Variants in PIK3R5 observed in about 807,000 individuals in gnomAD.
PIK3R5 encodes the protein phosphoinositide 3-kinase regulatory subunit 5.
Under a neutral mutation model 94.9 loss-of-function variants are expected in PIK3R5, and 32 were observed. That is an observed-to-expected ratio of 0.34 (90% confidence interval 0.25 to 0.45). The LOEUF (loss-of-function observed/expected upper bound fraction) is 0.45. PIK3R5 is among the 20% of genes least tolerant of loss of function. The pLI is 1.00. For missense variants in PIK3R5, 853 were observed against 1,144.6 expected (o/e 0.75, Z 3.68); for synonymous variants, 443 against 479.4 (o/e 0.92, Z 0.99).
rs767104449 is a variant in PIK3R5, at chr17:8,911,506, G to C, written c.-12C>G. ...GCCCCTGGCTGCATCCTGGGTCATC[G>C]CCTGCATGGGGGACAGACGCCGGTC... is the stretch of plus-strand genomic sequence containing the variant. On this transcript the variant is annotated splice_region_variant and 5_prime_UTR_variant, in exon 2 of 19. Coordinates refer to ENST00000447110, the MANE Select transcript of PIK3R5 (RefSeq NM_001142633.3). This position sits in a 1 kb window ranked among gnomAD's most constrained non-coding sequence, Gnocchi z 5.3. 2.5e-6 allele frequency: 4 copies of C among 1,584,084 alleles called. No homozygotes were observed. In the East Asian group the frequency reaches 8.9e-5, roughly 35 times the overall value.
intron 1 of PIK3R5, among the ~76,000 whole-genome samples, chr17:8,942,963 TAC>T (rs112851950): frequency 0.046 from 6,807 of 149,134 alleles, 203 homozygotes; most frequent in Non-Finnish European, 0.064. Flanking sequence ...GATCACGTCA[TAC>T]ACACACACAC....
intron 5 of PIK3R5, among the ~76,000 whole-genome samples, chr17:8,894,289 G>C (rs1413827624): frequency 6.6e-6 from 1 of 152,192 alleles, no homozygotes; most frequent in Non-Finnish European, 1.5e-5. Context: ...GTGCCGCAGG[G>C]CTACTCCTCG....
intron 1 of PIK3R5, among the ~76,000 whole-genome samples, chr17:8,963,054 C>T (rs2091594256): frequency 6.6e-6 from 1 of 152,192 alleles, no homozygotes; most frequent in South Asian, 2.1e-4. Flanking sequence ...GTGACACGAT[C>T]ATAGCTCACT....
rs367544854 is a variant in PIK3R5 at position 8,957,030 on chromosome 17, C to G, written c.-14+8566G>C. Among the ~76,000 whole-genome samples, 131 of 152,252 alleles carry G rather than the reference C, an allele frequency of 8.6e-4. No homozygotes were observed. In the South Asian group the frequency reaches 0.027, roughly 31 times the overall value. ...GCTGTGAAGCAGGGCTGTGGGGTTT[C>G]TGAGCAAACTGCCCAGCTTTGGGAC... On this transcript the variant is annotated intron_variant, in intron 1 of 18. Coordinates refer to ENST00000447110, the MANE Select transcript of PIK3R5 (RefSeq NM_001142633.3).
In PIK3R5 at chr17:8,893,816, T is replaced by C; in HGVS notation, c.413-161A>G. Reference sequence around the variant, plus strand: ...TGTTCTGTGGACCCTCCAGGGTGCCTAGCAGTTTGCTTCTATGCGTCCTTT... The same window carrying C: ...TGTTCTGTGGACCCTCCAGGGTGCCCAGCAGTTTGCTTCTATGCGTCCTTT... On this transcript the variant is annotated intron_variant, in intron 5 of 18. Transcript: ENST00000447110. This position sits in a 1 kb window ranked among gnomAD's most constrained non-coding sequence, Gnocchi z 5.1. 5.1e-6 allele frequency: 3 copies of C among 590,990 alleles called. No homozygotes were observed. In the Admixed American group the frequency reaches 8.4e-5, roughly 17 times the overall value. 36.6% of individuals were successfully genotyped at this position (590,990 alleles called of 1,614,324 possible). A position where few individuals can be genotyped will look rare whatever the true frequency, so the allele number is the denominator to read the frequency against.
intron 3 of PIK3R5, among the ~76,000 whole-genome samples, chr17:8,907,421 T>C (rs1021565282): frequency 2.6e-5 from 4 of 152,128 alleles, no homozygotes; most frequent in Non-Finnish European, 2.9e-5. Flanking sequence ...CATTCCTTTT[T>C]CCATAATTTG....
chr17:8,921,516 G>C (rs188107715), intron 1 of PIK3R5, among the ~76,000 whole-genome samples: 19 of 152,186 alleles, frequency 1.2e-4, no homozygotes, highest in Admixed American at 1.2e-3. Flanking sequence ...CTGAAAAATG[G>C]TCATACCAAA....
chr17:8,956,021 G>A (rs145673313), intron 1 of PIK3R5, among the ~76,000 whole-genome samples: 9 of 152,056 alleles, frequency 5.9e-5, no homozygotes, highest in South Asian at 2.1e-4. Flanking sequence ...TTAGCTGGGC[G>A]TGGTGGCATA....
In PIK3R5 at chr17:8,884,191, C is replaced by T. The variant is rs577644407; in HGVS notation, c.2205+516G>A. Among the ~76,000 whole-genome samples the T allele has an allele frequency of 6.6e-6, 1 of 152,238 alleles. No individual in the cohort carries two copies. Among genetic ancestry groups the T allele is most frequent in the Non-Finnish European group, 1.5e-5 (1 of 67,996 alleles). On this transcript the variant is annotated intron_variant, in intron 15 of 18. Transcript: ENST00000447110. The surrounding 1 kb of genome is among the most constrained non-coding windows in gnomAD (Gnocchi z 5.8). Reference sequence around the variant, plus strand: ...TTTGGAATGGCCGAAGGAAGAAGCCCACCTGTGAGGCCAAGCTTCCCTCAG... The same window carrying T: ...TTTGGAATGGCCGAAGGAAGAAGCCTACCTGTGAGGCCAAGCTTCCCTCAG...
chr17:8,933,405 T>G (rs779562156), intron 1 of PIK3R5, among the ~76,000 whole-genome samples: 1 of 152,100 alleles, frequency 6.6e-6, no homozygotes, highest in Non-Finnish European at 1.5e-5. Context: ...AAAAAGATGC[T>G]GAAAAGATGG....
At chr17:8,913,648 G>C (rs1417778103) in intron 1 of PIK3R5, among the ~76,000 whole-genome samples, 1 of 152,202 alleles carries the variant, frequency 6.6e-6, no homozygotes, top group South Asian at 2.1e-4. Context: ...GGAGGCGGAG[G>C]TTGCAGTAAG....
chr17:8,961,892 C>T (rs987907695), intron 1 of PIK3R5, among the ~76,000 whole-genome samples: 2 of 152,214 alleles, frequency 1.3e-5, no homozygotes, highest in African/African-American at 4.8e-5. Context: ...GTGTAACTTG[C>T]TGTAGCTGTG....
At chr17:8,905,079 G>A (rs1030783062) in intron 4 of PIK3R5, among the ~76,000 whole-genome samples, 164 bp from the exon 5 acceptor site, 1 of 152,248 alleles carries the variant, frequency 6.6e-6, no homozygotes, top group South Asian at 2.1e-4. Flanking sequence ...GTTACTCACA[G>A]GGAGTGGGTT....
intron 1 of PIK3R5, among the ~76,000 whole-genome samples, chr17:8,951,779 A>G (rs1411361658): frequency 6.6e-6 from 1 of 152,224 alleles, no homozygotes; most frequent in Non-Finnish European, 1.5e-5. Flanking sequence ...AACAGTGAAG[A>G]TTCACAAAGT....
intron 1 of PIK3R5, among the ~76,000 whole-genome samples, chr17:8,947,480 G>T (rs549421447): frequency 6.6e-6 from 1 of 152,290 alleles, no homozygotes; most frequent in African/African-American, 2.4e-5. Flanking sequence ...AGCTATCCAA[G>T]GGGCTGGGAA....
chr17:8,919,381 T>C (rs896603832), intron 1 of PIK3R5, among the ~76,000 whole-genome samples: 1 of 152,220 alleles, frequency 6.6e-6, no homozygotes. Flanking sequence ...TTCCCTACCT[T>C]ACATGAGCTT....
chr17:8,959,548 C>T (rs1024345719), intron 1 of PIK3R5, among the ~76,000 whole-genome samples: 1 of 152,198 alleles, frequency 6.6e-6, no homozygotes, highest in Non-Finnish European at 1.5e-5. Context: ...GTTTGAGACT[C>T]TCCTCGAAGA....
At chr17:8,938,408 C>A (rs1383843553) in intron 1 of PIK3R5, among the ~76,000 whole-genome samples, 3 of 152,196 alleles carry the variant, frequency 2.0e-5, no homozygotes, top group African/African-American at 7.2e-5. Flanking sequence ...GTAAACTCAA[C>A]ATTTTAAAGA....
intron 18 of PIK3R5, 50 bp downstream of exon 18, chr17:8,880,855 G>A (rs535603783): frequency 1.2e-6 from 2 of 1,613,192 alleles, no homozygotes; most frequent in African/African-American, 1.3e-5. Context: ...CAGGCCTCTG[G>A]GTTGGTGGGA....
Sources: gnomAD v4.1 joint callset for allele counts (sites outside exome capture counted in the v4.1 genomes callset) on GRCh38, gnomAD v4.1.1 for gene constraint, Gnocchi (gnomAD v3.1) non-coding constraint, MANE v1.5 for transcripts, NCBI Gene and HGNC (gene_info 2026-07-23, HGNC 2026-07-21) for gene names.